AUTS2: variants seen among roughly 807,000 people sequenced by gnomAD.
AUTS2 encodes the protein autism susceptibility gene 2 protein.
Under a neutral mutation model 112.4 loss-of-function variants are expected in AUTS2, and 17 were observed. That is an observed-to-expected ratio of 0.15 (90% CI 0.10 to 0.23). The LOEUF is 0.23. AUTS2 is among the 10% of genes least tolerant of loss of function. The probability of loss-of-function intolerance (pLI) is 1.00; values close to 1 mark genes in which losing one functional copy is unlikely to be tolerated. For synonymous variants in AUTS2, 751 were observed against 702.7 expected, an observed-to-expected ratio of 1.07 and a Z score of -1.09; for missense variants, 1,510 against 1,701.6, an observed-to-expected ratio of 0.89 and a Z score of 1.98.
At chr7:70,356,771 G>A (rs981121338) in intron 4 of AUTS2, among the ~76,000 whole-genome samples, 2 of 147,654 alleles carry the variant, frequency 1.4e-5, no homozygotes, top group Admixed American at 1.4e-4. Context: ...ATTACCTTAT[G>A]TGCTGGAAAA....
At chr7:70,692,184 C>G (rs1016075426) in intron 5 of AUTS2, among the ~76,000 whole-genome samples, 1 of 152,150 alleles carries the variant, frequency 6.6e-6, no homozygotes, top group Non-Finnish European at 1.5e-5. Flanking sequence ...CAATCTAATG[C>G]AAGGCATGAT....
chr7:70,520,751 C>T (rs1020784422), intron 5 of AUTS2, among the ~76,000 whole-genome samples: 4 of 152,148 alleles, frequency 2.6e-5, no homozygotes, highest in African/African-American at 7.2e-5. Flanking sequence ...TACAAATGAG[C>T]GGCTGAGTAA....
At chr7:70,380,663 G>A (rs971534805) in intron 4 of AUTS2, among the ~76,000 whole-genome samples, 3 of 152,346 alleles carry the variant, frequency 2.0e-5, no homozygotes, top group Admixed American at 6.5e-5. Context: ...CAGGGACAAC[G>A]CCTAGTCTGA....
intron 1 of AUTS2, among the ~76,000 whole-genome samples, chr7:69,895,550 C>A (rs186387181): frequency 1.2e-4 from 17 of 147,132 alleles, no homozygotes; most frequent in Admixed American, 9.4e-4. Flanking sequence ...TCTTCCCCCC[C>A]CCCGAGTGGA....
At chr7:70,655,879 A>G (rs1426661335) in intron 5 of AUTS2, among the ~76,000 whole-genome samples, 1 of 152,150 alleles carries the variant, frequency 6.6e-6, no homozygotes, top group African/African-American at 2.4e-5. Context: ...AAGCCTTGCC[A>G]AGAATCTATG....
At position 70,314,965 on chromosome 7, in the gene AUTS2, AC is replaced by A. The variant is rs1481633312; in HGVS notation, c.661-120785del. Among the ~76,000 whole-genome samples the A allele has an allele frequency of 9.9e-5, 15 of 152,164 alleles. 1 individual carries two copies. Among genetic ancestry groups the A allele is most frequent in the African/African-American group, 3.6e-4 (15 of 41,522 alleles). ...TCTTTAAAAATCTAAAGGAGAAACC[AC>A]CTCCATCTTGTGTGTCTCCATCCCT... On this transcript the variant is annotated intron_variant, in intron 4 of 18. Coordinates refer to ENST00000342771, the MANE Select transcript of AUTS2 (RefSeq NM_015570.4).
At chr7:70,709,367 G>A (rs1004452970) in intron 6 of AUTS2, among the ~76,000 whole-genome samples, 2 of 152,134 alleles carry the variant, frequency 1.3e-5, no homozygotes, top group Non-Finnish European at 2.9e-5. Context: ...AAACTGGGGG[G>A]TGGCCTCCAA....
At chr7:69,796,576 A>G (rs927861273) in intron 1 of AUTS2, among the ~76,000 whole-genome samples, 14 of 151,988 alleles carry the variant, frequency 9.2e-5, no homozygotes, top group Non-Finnish European at 1.8e-4. Context: ...GAGTCCTGCC[A>G]TGCAGTCTTT....
intron 5 of AUTS2, among the ~76,000 whole-genome samples, chr7:70,454,038 A>G (rs1796633800): frequency 6.6e-6 from 1 of 152,164 alleles, no homozygotes; most frequent in Non-Finnish European, 1.5e-5. Context: ...ATGACCCATC[A>G]TGATTGTCCC....
chr7:69,962,296 C>T (rs1245314784), intron 2 of AUTS2, among the ~76,000 whole-genome samples: 2 of 152,150 alleles, frequency 1.3e-5, no homozygotes, highest in Non-Finnish European at 2.9e-5. Flanking sequence ...GCCCTGGCTT[C>T]TTTCCTGCTA....
chr7:70,028,808 A>C (rs186193322), intron 2 of AUTS2, among the ~76,000 whole-genome samples: 1 of 152,218 alleles, frequency 6.6e-6, no homozygotes, highest in Non-Finnish European at 1.5e-5. Context: ...TTCCCCTTTC[A>C]CATGAAATAC....
At chr7:69,955,153 C>T (rs1320506307) in intron 2 of AUTS2, among the ~76,000 whole-genome samples, 1 of 152,106 alleles carries the variant, frequency 6.6e-6, no homozygotes, top group East Asian at 1.9e-4. Context: ...TATTTCATTT[C>T]TTTTGCTTAT....
In AUTS2 at chr7:70,584,288, C is replaced by G. The variant is rs140992156; in HGVS notation, c.691-114281C>G. On this transcript the variant is annotated intron_variant, in intron 5 of 18. Coordinates refer to ENST00000342771, the MANE Select transcript of AUTS2 (RefSeq NM_015570.4). Reference sequence around the variant, plus strand: ...CAGGGTGAAATCTGGGGAAAAATTTCTTCTCTGTGCAGCTTCTGACACCAC... The same window carrying G: ...CAGGGTGAAATCTGGGGAAAAATTTGTTCTCTGTGCAGCTTCTGACACCAC... Among the ~76,000 whole-genome samples the G allele has an allele frequency of 2.2e-3, 336 of 152,298 alleles. 1 individual carries two copies. Among genetic ancestry groups the G allele is most frequent in the African/African-American group, 7.7e-3 (322 of 41,568 alleles).
chr7:70,404,165 A>T (rs1195016225), intron 4 of AUTS2, among the ~76,000 whole-genome samples: 1 of 152,174 alleles, frequency 6.6e-6, no homozygotes, highest in African/African-American at 2.4e-5. Flanking sequence ...GAGTGGGCAG[A>T]GGGTGTTGTG....
intron 10 of AUTS2, among the ~76,000 whole-genome samples, chr7:70,768,877 CTTT>C (rs66614263): frequency 5.5e-5 from 6 of 108,210 alleles, no homozygotes; most frequent in Admixed American, 3.0e-4. Context: ...CCAGTGATTT[CTTT>C]TTTTTTTTTT....
chr7:69,635,920 A>G (rs758638293), intron 1 of AUTS2, among the ~76,000 whole-genome samples: 1 of 152,236 alleles, frequency 6.6e-6, no homozygotes, highest in East Asian at 1.9e-4. Flanking sequence ...TTAATTTACA[A>G]CTAGCTCAAT....
At chr7:70,039,364 TGTTG>T (rs1801146335) in intron 2 of AUTS2, among the ~76,000 whole-genome samples, 1 of 152,086 alleles carries the variant, frequency 6.6e-6, no homozygotes. Context: ...TTGTTGTTGT[TGTTG>T]TTTTTTCTCC....
chr7:70,788,529 C>G (rs1195481338), intron 18 of AUTS2, among the ~76,000 whole-genome samples: 1 of 152,232 alleles, frequency 6.6e-6, no homozygotes, highest in South Asian at 2.1e-4. Flanking sequence ...AGCAACATAA[C>G]CTGGCCGACC....
intron 2 of AUTS2, among the ~76,000 whole-genome samples, chr7:69,953,290 A>G (rs1270723472): frequency 1.3e-5 from 2 of 152,090 alleles, no homozygotes; most frequent in East Asian, 3.9e-4. Flanking sequence ...TCTGATTCCC[A>G]TTATCACTGT....
Sources: allele counts gnomAD v4.1 joint callset (sites outside exome capture counted in the v4.1 genomes callset), GRCh38; gene constraint gnomAD v4.1.1; transcripts MANE v1.5; gene names NCBI Gene and HGNC (gene_info 2026-07-23, HGNC 2026-07-21).